LRRC66: variants seen among roughly 807,000 people sequenced by gnomAD.
LRRC66 encodes leucine rich repeat containing 66.
LRRC66 carries 29 observed loss-of-function variants against 24.6 expected under a neutral mutation model. The observed-to-expected ratio is 1.18, with a 90% CI of 0.88 to 1.61. LRRC66 has a LOEUF of 1.61. Among genes scored for constraint, LRRC66 ranks in the 40% most tolerant of loss-of-function variants. The pLI, the probability that LRRC66 is intolerant of heterozygous loss-of-function variation, is 0.00. For synonymous variants in LRRC66, 411 were observed against 397.6 expected (o/e 1.03, Z -0.40); for missense variants, 1,124 against 1,058.0 (o/e 1.06, Z -0.87).
At chr4:52,005,071 T>A (rs1276571849) in intron 2 of LRRC66, among the ~76,000 whole-genome samples, 6 of 152,230 alleles carry the variant, frequency 3.9e-5, no homozygotes, top group African/African-American at 1.4e-4. Flanking sequence ...AGAATTCACA[T>A]CTTTGAATTT....
At chr4:52,005,050 C>G (rs964506386) in intron 2 of LRRC66, among the ~76,000 whole-genome samples, 4 of 152,166 alleles carry the variant, frequency 2.6e-5, no homozygotes, top group Non-Finnish European at 5.9e-5. Flanking sequence ...ATGATCAAGT[C>G]CCTTCAGGGC....
intron 3 of LRRC66, among the ~76,000 whole-genome samples, chr4:52,000,873 C>T (rs1037235533): frequency 3.9e-5 from 6 of 152,168 alleles, no homozygotes; most frequent in African/African-American, 1.4e-4. Flanking sequence ...GTAAGCCATG[C>T]CTGGATTTCC....
Position 51,995,169 on chromosome 4 carries a change from A to G in LRRC66, c.1853T>C (p.Met618Thr), listed in dbSNP as rs750982140. Residue 618 changes from methionine (M) to threonine (T), a missense_variant, in exon 5 of 5, where the codon ATG (methionine) becomes ACG (threonine). By Grantham distance (81) the Met-to-Thr change is moderately conservative. Transcript: ENST00000682860. The stretch of plus-strand genomic sequence containing the variant: ...CACTTGCCTTTCCTTAGAAAATTCC[A>G]TCTGCGAGTCCCAAAGTGACTGTTC... Reference protein sequence around the residue: ...GTEQSLWDSQMEFSKERQVSS... With the variant: ...GTEQSLWDSQTEFSKERQVSS... 17 of 1,614,070 alleles carry G rather than the reference A, an allele frequency of 1.1e-5. No homozygotes were observed. In the African/African-American group the frequency reaches 1.9e-4, roughly 18 times the overall value.
In LRRC66 at chr4:52,017,343, C is replaced by G. The variant is rs1736838524; in HGVS notation, c.271G>C (p.Asp91His). The G allele has an allele frequency of 6.2e-7, 1 of 1,613,974 alleles. No individual in the cohort carries two copies. Among genetic ancestry groups the G allele is most frequent in the Non-Finnish European group, 8.5e-7 (1 of 1,180,000 alleles). ...KKEEWKIKHL[D>H]LSNNLISKIT... ...TTTGATATGAGATTGTTACTGAGGT[C>G]CAGATGTTTTATTTTCCACTCTTCT... Residue 91 changes from aspartate to histidine, a missense_variant, in exon 2 of 5, where the codon GAC (aspartate) becomes CAC (histidine). Physicochemically the swap from Asp to His is moderately conservative, Grantham distance 81. Coordinates refer to ENST00000682860, the MANE Select transcript of LRRC66 (RefSeq NM_001024611.3).
chr4:52,001,620 T>C (rs1391541617), intron 3 of LRRC66, among the ~76,000 whole-genome samples: 1 of 152,216 alleles, frequency 6.6e-6, no homozygotes, highest in Non-Finnish European at 1.5e-5. Flanking sequence ...ATTATCTTCA[T>C]TTTTCAGAAG....
intron 1 of LRRC66, 99 bp from the exon 2 acceptor site, chr4:52,017,717 T>C: frequency 2.9e-6 from 4 of 1,387,748 alleles, no homozygotes; most frequent in Non-Finnish European, 3.7e-6. Context: ...TTCGGAAAGT[T>C]ATCTTGTCTT....
Position 52,017,367 on chromosome 4 carries a change from C to A in LRRC66, c.247G>T (p.Glu83Ter). ...RVLLQSHTKK[E>*]EWKIKHLDLS... is the part of the protein sequence containing the mutation. ...TCCAGATGTTTTATTTTCCACTCTT[C>A]TTTTTTCGTGTGAGACTGTAAGAGA... Residue 83 changes from glutamate to a stop codon, truncating the protein, a stop_gained, in exon 2 of 5, where the codon GAA (glutamate) becomes TAA (stop). Coordinates refer to ENST00000682860, the MANE Select transcript of LRRC66 (RefSeq NM_001024611.3). LOFTEE classifies it high-confidence loss of function. 3.1e-6 allele frequency: 5 copies of A among 1,614,034 alleles called. No individual in the cohort carries two copies. The highest frequency in any genetic ancestry group is 4.2e-6 in the Non-Finnish European group (5 of 1,179,992).
intron 4 of LRRC66, 103 bp downstream of exon 4, chr4:51,997,645 C>T: frequency 5.7e-6 from 6 of 1,053,480 alleles, no homozygotes; most frequent in Non-Finnish European, 8.6e-6. Flanking sequence ...AGGATCAGCA[C>T]TTTTGCTTTC....
rs1393941514 is a variant in LRRC66, at chr4:51,994,200, C to G, written c.*179G>C. 1.8e-5 allele frequency: 11 copies of G among 609,606 alleles called. No homozygotes were observed. The Admixed American group carries it at 1.8e-4, about 10-fold the overall frequency. 37.8% of individuals were successfully genotyped at this position (609,606 alleles called of 1,614,324 possible). A position where few individuals can be genotyped will look rare whatever the true frequency, so the allele number is the denominator to read the frequency against. ...TTAACAAGTGTGTTTAGCTTATAAC[C>G]CTTCTAGAATCATCGCCCTCAAGTG... On this transcript the variant is annotated 3_prime_UTR_variant, in exon 5 of 5. Coordinates refer to ENST00000682860, the MANE Select transcript of LRRC66 (RefSeq NM_001024611.3).
intron 2 of LRRC66, among the ~76,000 whole-genome samples, chr4:52,015,953 T>C (rs557785259): frequency 2.0e-5 from 3 of 152,296 alleles, no homozygotes; most frequent in African/African-American, 4.8e-5. Context: ...AGAACATATA[T>C]AACATGAATG....
intron 3 of LRRC66, among the ~76,000 whole-genome samples, chr4:52,000,054 C>T (rs76974504): frequency 8.5e-4 from 129 of 152,244 alleles, no homozygotes; most frequent in African/African-American, 3.0e-3. Context: ...AAAACAACAT[C>T]CATTGTGATA....
chr4:52,001,096 C>G (rs1381366716), intron 3 of LRRC66, among the ~76,000 whole-genome samples: 3 of 152,138 alleles, frequency 2.0e-5, no homozygotes, highest in Admixed American at 2.0e-4. Flanking sequence ...GATGTATGTC[C>G]TCAAAGAGCT....
At chr4:52,005,399 C>T (rs1287408469) in intron 2 of LRRC66, among the ~76,000 whole-genome samples, 2 of 152,056 alleles carry the variant, frequency 1.3e-5, no homozygotes, top group East Asian at 1.9e-4. Context: ...CTTTGGAAGC[C>T]GAAGCGGGTG....
intron 2 of LRRC66, among the ~76,000 whole-genome samples, chr4:52,009,971 A>G (rs1736664302): frequency 6.6e-6 from 1 of 152,120 alleles, no homozygotes; most frequent in Non-Finnish European, 1.5e-5. Context: ...CAAAATATAT[A>G]AAAAAGACAA....
At chr4:52,004,390 T>C (rs1479622476) in intron 2 of LRRC66, among the ~76,000 whole-genome samples, 3 of 152,260 alleles carry the variant, frequency 2.0e-5, no homozygotes, top group African/African-American at 7.2e-5. Context: ...ATTCTTGTGT[T>C]TTCCAAAGGT....
chr4:52,000,546 ACTT>A (rs2110194459), intron 3 of LRRC66, among the ~76,000 whole-genome samples: 1 of 152,324 alleles, frequency 6.6e-6, no homozygotes, highest in African/African-American at 2.4e-5. Flanking sequence ...ATGGAATGCC[ACTT>A]CCATGATGAC....
At chr4:52,000,340 AG>A (rs1232515680) in intron 3 of LRRC66, among the ~76,000 whole-genome samples, 4 of 152,198 alleles carry the variant, frequency 2.6e-5, no homozygotes, top group Non-Finnish European at 1.5e-5. Context: ...ATACACAAGG[AG>A]TATACTATAT....
At position 52,017,477 on chromosome 4, in the gene LRRC66, C is replaced by T. The variant is rs977469003; in HGVS notation, c.137G>A (p.Cys46Tyr). Residue 46 changes from cysteine to tyrosine, a missense_variant, in exon 2 of 5, where the codon TGT becomes TAT. By Grantham distance (194) the Cys-to-Tyr change is radical. Coordinates refer to ENST00000682860, the MANE Select transcript of LRRC66 (RefSeq NM_001024611.3). ...CQWNEYILTN[C>Y]SFTGKCDIPV... is the part of the protein sequence containing the mutation. ...TATATCACACTTTCCGGTAAAAGAA[C>T]AATTTGTCAGAATATATTCATTCCA... is the stretch of plus-strand genomic sequence containing the variant. The T allele has an allele frequency of 1.2e-6, 2 of 1,613,990 alleles. No homozygotes were observed. Among genetic ancestry groups the T allele is most frequent in the Non-Finnish European group, 1.7e-6 (2 of 1,179,980 alleles).
chr4:52,019,375 AT>A (rs1736893412), intron 1 of LRRC66, among the ~76,000 whole-genome samples: 1 of 152,140 alleles, frequency 6.6e-6, no homozygotes, highest in South Asian at 2.1e-4. Flanking sequence ...AAAAAGGAAC[AT>A]TATCTATCTA....
Sources: allele counts gnomAD v4.1 joint callset (sites outside exome capture counted in the v4.1 genomes callset), GRCh38; gene constraint gnomAD v4.1.1; transcripts MANE v1.5; gene names NCBI Gene and HGNC (gene_info 2026-07-23, HGNC 2026-07-21).